Variants in RHBDL2 observed in about 807,000 individuals in gnomAD.
The protein encoded by RHBDL2 is rhomboid-related protein 2.
In RHBDL2, 26 loss-of-function variants were observed where a neutral mutation model predicts 31.7. The ratio of observed to expected loss-of-function variants is 0.82; its 90% CI spans 0.60 to 1.14. RHBDL2 has a LOEUF of 1.14. RHBDL2 is among the 50% of genes most tolerant of loss of function. The probability of loss-of-function intolerance (pLI) is 0.00; values close to 1 mark genes in which losing one functional copy is unlikely to be tolerated. For missense variants in RHBDL2, 336 were observed against 364.4 expected (o/e 0.92, Z 0.63); for synonymous variants, 123 against 127.2 (o/e 0.97, Z 0.22).
In RHBDL2 at chr1:38,919,202, A is replaced by G. The variant is rs201268891; in HGVS notation, c.11T>C (p.Val4Ala). The G allele has an allele frequency of 7.8e-5, 126 of 1,613,962 alleles. No homozygotes were observed. The highest frequency in any genetic ancestry group is 9.8e-5 in the Non-Finnish European group (116 of 1,180,024). The change falls in exon 2 of 8, where the codon GTT becomes GCT. Residue 4 changes from valine (V) to alanine (A), a missense_variant. Coordinates refer to ENST00000372990, the MANE Select transcript of RHBDL2 (RefSeq NM_017821.5). ...CATGCTCTCCATCTCCAGATCATGAACAGCAGCCATTGTCCTGGGTCCTCC... is the reference window on the plus strand; with the variant it reads ...CATGCTCTCCATCTCCAGATCATGAGCAGCAGCCATTGTCCTGGGTCCTCC... The part of the protein sequence containing the change: MAA[V>A]HDLEMESMNL...
intron 2 of RHBDL2, among the ~76,000 whole-genome samples, chr1:38,918,327 C>T (rs555780111): frequency 1.3e-5 from 2 of 152,220 alleles, no homozygotes; most frequent in Admixed American, 6.5e-5. Flanking sequence ...CATGGTTGGC[C>T]AGTTCCTTTA....
At chr1:38,897,582 G>T (rs1299064145) in intron 4 of RHBDL2, among the ~76,000 whole-genome samples, 18 of 152,014 alleles carry the variant, frequency 1.2e-4, no homozygotes, top group African/African-American at 3.9e-4. Flanking sequence ...AAGCATGGTG[G>T]TACCCGCCTG....
chr1:38,886,577 A>G lies in RHBDL2; in HGVS notation c.839T>C (p.Ile280Thr), dbSNP rs534201832. Residue 280 changes from isoleucine to threonine, a missense_variant, in exon 8 of 8, where the codon ATA becomes ACA. By Grantham distance (89) the Ile-to-Thr change is moderately conservative. Coordinates refer to ENST00000372990, the MANE Select transcript of RHBDL2 (RefSeq NM_017821.5). Reference sequence around the variant, plus strand: ...ACAAGCTAAATATGCAGCAATTGCTATCCAAAACCTTGGATCTTTCAGCAG... The same window carrying G: ...ACAAGCTAAATATGCAGCAATTGCTGTCCAAAACCTTGGATCTTTCAGCAG... ...KALLKDPRFW[I>T]AIAAYLACVL... is the part of the protein sequence containing the mutation. 8.1e-6 allele frequency: 13 copies of G among 1,607,880 alleles called. No individual in the cohort carries two copies. The South Asian group carries it at 1.3e-4, about 17-fold the overall frequency.
chr1:38,918,033 C>A (rs1476284227), intron 2 of RHBDL2, among the ~76,000 whole-genome samples: 1 of 152,178 alleles, frequency 6.6e-6, no homozygotes, highest in Non-Finnish European at 1.5e-5. Context: ...CAGAACTCTA[C>A]CTTTGGACTT....
At chr1:38,893,422 C>T (rs1301193841) in intron 5 of RHBDL2, among the ~76,000 whole-genome samples, 198 bp from the exon 6 acceptor site, 1 of 152,010 alleles carries the variant, frequency 6.6e-6, no homozygotes, top group Non-Finnish European at 1.5e-5. Context: ...AATGACAAGA[C>T]ATTTAATTTA....
chr1:38,923,600 C>G (rs1447379115), intron 1 of RHBDL2, among the ~76,000 whole-genome samples: 1 of 152,170 alleles, frequency 6.6e-6, no homozygotes, highest in South Asian at 2.1e-4. Context: ...AAACACACGT[C>G]AGATTACCAG....
intron 1 of RHBDL2, among the ~76,000 whole-genome samples, chr1:38,924,096 A>T (rs546925683): frequency 6.6e-6 from 1 of 152,220 alleles, no homozygotes; most frequent in African/African-American, 2.4e-5. Context: ...CAAAAAAAAA[A>T]AGTTTTTAAA....
intron 1 of RHBDL2, among the ~76,000 whole-genome samples, chr1:38,934,849 T>G (rs1245458526): frequency 1.3e-5 from 2 of 151,482 alleles, no homozygotes; most frequent in Admixed American, 1.3e-4. Context: ...TCCCAGCTAT[T>G]TGAGAGACTG....
chr1:38,899,601 G>A (rs1249854322), intron 4 of RHBDL2, among the ~76,000 whole-genome samples: 6 of 152,216 alleles, frequency 3.9e-5, no homozygotes, highest in African/African-American at 7.2e-5. Context: ...GAGCAGGACT[G>A]GCCACAGCCA....
chr1:38,886,513 T>G lies in RHBDL2; in HGVS notation c.903A>C (p.Pro301=). 1 of 1,581,314 alleles carries G rather than the reference T, an allele frequency of 6.3e-7. No homozygotes were observed. The change falls in exon 8 of 8, where the codon CCA becomes CCC. Residue 301 remains proline (P), a synonymous_variant. Transcript: ENST00000372990. ...TTACAATAGGGGCAGGTCAGTTTGCTGGAGATAGGAAAATGTTGAAAAACA... is the reference window on the plus strand; with the variant it reads ...TTACAATAGGGGCAGGTCAGTTTGCGGGAGATAGGAAAATGTTGAAAAACA... The part of the protein sequence containing the change: ...FAVFFNIFLS[P]AN
At chr1:38,929,313 G>A (rs1643413936) in intron 1 of RHBDL2, 2 of 1,001,738 alleles carry the variant, frequency 2.0e-6, no homozygotes, top group South Asian at 1.4e-5. Flanking sequence ...CTGCTACGAC[G>A]AGGACTCTAG....
chr1:38,896,536 T>A (rs1017235986), intron 4 of RHBDL2, among the ~76,000 whole-genome samples: 1 of 152,216 alleles, frequency 6.6e-6, no homozygotes, highest in East Asian at 1.9e-4. Flanking sequence ...CCATTACTTT[T>A]AAGGGCAAAA....
chr1:38,930,602 T>A (rs1281219249), intron 1 of RHBDL2, among the ~76,000 whole-genome samples: 1 of 152,214 alleles, frequency 6.6e-6, no homozygotes, highest in African/African-American at 2.4e-5. Context: ...TTCAAAGCTG[T>A]GGTGTGCGCA....
intron 6 of RHBDL2, among the ~76,000 whole-genome samples, chr1:38,891,743 CACAG>C (rs1642857038): frequency 6.6e-6 from 1 of 152,196 alleles, no homozygotes; most frequent in Admixed American, 6.5e-5. Context: ...AGTCCCTTCC[CACAG>C]ACATAGTTGC....
At chr1:38,920,708 A>G (rs150643988) in intron 1 of RHBDL2, among the ~76,000 whole-genome samples, 3,118 of 146,384 alleles carry the variant, frequency 0.021, 36 homozygotes, top group South Asian at 0.058. Context: ...CCGGGTTCAC[A>G]CCATTTTCCT....
intron 4 of RHBDL2, among the ~76,000 whole-genome samples, chr1:38,899,860 A>G (rs1642967175): frequency 6.6e-6 from 1 of 152,080 alleles, no homozygotes; most frequent in Non-Finnish European, 1.5e-5. Flanking sequence ...CAGCAACACC[A>G]TGGTCCTCGC....
intron 1 of RHBDL2, among the ~76,000 whole-genome samples, chr1:38,938,343 T>C (rs1643531652): frequency 6.6e-6 from 1 of 152,158 alleles, no homozygotes; most frequent in Non-Finnish European, 1.5e-5. Flanking sequence ...ATCCAATGTC[T>C]TTGGTTTAAA....
chr1:38,888,826 T>C (rs1255309859), intron 6 of RHBDL2, among the ~76,000 whole-genome samples: 1 of 142,188 alleles, frequency 7.0e-6, no homozygotes, highest in Non-Finnish European at 1.6e-5. Context: ...TTTCAGAAGG[T>C]GAGTTGTACT....
chr1:38,923,034 G>C (rs1194585352), intron 1 of RHBDL2, among the ~76,000 whole-genome samples: 2 of 151,952 alleles, frequency 1.3e-5, no homozygotes, highest in Admixed American at 1.3e-4. Flanking sequence ...AGGTTTCAGT[G>C]AGCTGATATC....
Sources: allele counts gnomAD v4.1 joint callset (sites outside exome capture counted in the v4.1 genomes callset), GRCh38; gene constraint gnomAD v4.1.1; transcripts MANE v1.5; gene names NCBI Gene and HGNC (gene_info 2026-07-23, HGNC 2026-07-21).